Variants in GARNL3 observed in about 807,000 individuals in gnomAD.
GARNL3 encodes the protein GTPase-activating Rap/Ran-GAP domain-like protein 3.
Under a neutral mutation model 125.0 loss-of-function variants are expected in GARNL3, and 63 were observed. The observed-to-expected ratio is 0.50, with a 90% CI of 0.41 to 0.62. The LOEUF is 0.62. Ranked by LOEUF, GARNL3 falls within the 20% of genes least tolerant of loss-of-function variation. GARNL3 has a pLI of 0.00. For synonymous variants in GARNL3, 439 were observed against 457.5 expected (o/e 0.96, Z 0.52); for missense variants, 994 against 1,244.0 (o/e 0.80, Z 3.02).
chr9:127,376,179 C>T (rs1033130332), intron 22 of GARNL3, among the ~76,000 whole-genome samples: 10 of 152,130 alleles, frequency 6.6e-5, no homozygotes, highest in South Asian at 2.1e-4. Context: ...AGGCTGGTCT[C>T]GAACTCCTGA....
At chr9:127,229,061 T>A (rs2062959730) in intron 1 of GARNL3, among the ~76,000 whole-genome samples, 2 of 152,228 alleles carry the variant, frequency 1.3e-5, no homozygotes, top group African/African-American at 4.8e-5. Flanking sequence ...TGACCTCAAG[T>A]GATCCACCCG....
At chr9:127,326,011 A>G (rs771569284) in intron 7 of GARNL3, among the ~76,000 whole-genome samples, 13 of 151,974 alleles carry the variant, frequency 8.6e-5, no homozygotes, top group African/African-American at 1.5e-4. Context: ...TACCTCTCCA[A>G]TCGTCAGCTC....
chr9:127,374,909 C>CAAAAAAAAAAAAA (rs772141471), intron 22 of GARNL3, among the ~76,000 whole-genome samples: 1 of 63,232 alleles, frequency 1.6e-5, no homozygotes. Context: ...TCCATCTCTA[C>CAAAAAAAAAAAAA]AAAAAAAAAA....
chr9:127,358,940 C>T (rs982548463), intron 21 of GARNL3, among the ~76,000 whole-genome samples: 2 of 151,316 alleles, frequency 1.3e-5, no homozygotes, highest in African/African-American at 4.8e-5. Context: ...TGTCTGACCC[C>T]AGGCCAAGCC....
chr9:127,274,531 C>T (rs1453795954), intron 1 of GARNL3, among the ~76,000 whole-genome samples: 1 of 152,154 alleles, frequency 6.6e-6, no homozygotes, highest in African/African-American at 2.4e-5. Flanking sequence ...CCACAGGAGT[C>T]TCCCATTCCT....
chr9:127,240,080 A>G (rs1220991281), intron 1 of GARNL3, among the ~76,000 whole-genome samples: 4 of 152,218 alleles, frequency 2.6e-5, no homozygotes, highest in African/African-American at 9.6e-5. Flanking sequence ...AAGATGTGTA[A>G]GACCTCTAGT....
upstream of GARNL3, among the ~76,000 whole-genome samples, chr9:127,261,615 G>T (rs113002849): frequency 0.017 from 2,528 of 152,036 alleles, 85 homozygotes; most frequent in African/African-American, 0.058. Flanking sequence ...GTTTCTCCAT[G>T]TTGGTCATGC....
chr9:127,382,175 C>G (rs1832299124), intron 22 of GARNL3, among the ~76,000 whole-genome samples: 1 of 152,034 alleles, frequency 6.6e-6, no homozygotes, highest in Non-Finnish European at 1.5e-5. Context: ...TGGCGGGCGT[C>G]TGTAGTCCCA....
At chr9:127,354,015 G>T (rs1233423358) in intron 18 of GARNL3, 71 bp downstream of exon 18, 2 of 1,000,104 alleles carry the variant, frequency 2.0e-6, no homozygotes, top group African/African-American at 3.2e-5. Context: ...CACACCACAG[G>T]TCGCCAGGGT....
chr9:127,347,184 T>C (rs912428070), intron 16 of GARNL3, among the ~76,000 whole-genome samples: 2 of 151,778 alleles, frequency 1.3e-5, no homozygotes, highest in African/African-American at 4.8e-5. Context: ...CTTTGGGAGG[T>C]TGAGGCCGGA....
intron 26 of GARNL3, 52 bp from the exon 27 acceptor site, chr9:127,390,589 C>G: frequency 6.3e-7 from 1 of 1,584,632 alleles, no homozygotes; most frequent in South Asian, 1.1e-5. Flanking sequence ...TCTTTTCTGT[C>G]TCCGTGGCAG....
At chr9:127,232,701 A>C (rs916945039) in intron 1 of GARNL3, among the ~76,000 whole-genome samples, 28 of 152,212 alleles carry the variant, frequency 1.8e-4, no homozygotes, top group African/African-American at 6.5e-4. Flanking sequence ...ATGACAAGCA[A>C]AGGAGAGTTA....
intron 24 of GARNL3, among the ~76,000 whole-genome samples, chr9:127,386,113 C>G (rs1391975820): frequency 6.6e-6 from 1 of 152,204 alleles, no homozygotes; most frequent in Non-Finnish European, 1.5e-5. Context: ...TTGCTGAACT[C>G]TTGTATCCAT....
chr9:127,237,430 G>T (rs1319053605), intron 1 of GARNL3, among the ~76,000 whole-genome samples: 3 of 152,174 alleles, frequency 2.0e-5, no homozygotes, highest in African/African-American at 7.2e-5. Flanking sequence ...CTGACTTGTG[G>T]AATCTAAATC....
intron 6 of GARNL3, 35 bp from the exon 7 acceptor site, chr9:127,325,034 T>A (rs546487973): frequency 6.2e-6 from 10 of 1,600,400 alleles, no homozygotes; most frequent in Non-Finnish European, 8.6e-6. Context: ...ATTACTGTTA[T>A]GCCTGGATGT....
chr9:127,256,759 C>A lies in GARNL3; in HGVS notation c.144-8193C>A, dbSNP rs561748854. Reference sequence around the variant, plus strand: ...TCATGTACCCTTTACCAGGTTTCCCCCAGGGGCAGCATCTTGTGTAACTAT... The same window carrying A: ...TCATGTACCCTTTACCAGGTTTCCCACAGGGGCAGCATCTTGTGTAACTAT... On this transcript the variant is annotated intron_variant, in intron 2 of 10. Coordinates refer to the GARNL3 transcript ENST00000439286. Among the ~76,000 whole-genome samples, 10 of 152,294 alleles carry A rather than the reference C, an allele frequency of 6.6e-5. No homozygotes were observed. In the South Asian group the frequency reaches 1.9e-3, roughly 28 times the overall value.
At chr9:127,313,012 A>G (rs897235340) in intron 3 of GARNL3, among the ~76,000 whole-genome samples, 15 of 152,176 alleles carry the variant, frequency 9.9e-5, no homozygotes, top group Non-Finnish European at 2.1e-4. Flanking sequence ...CAGTAATGTC[A>G]AGGACCCAGG....
chr9:127,311,750 G>T lies in GARNL3; in HGVS notation c.319+15G>T, dbSNP rs529225227. On this transcript the variant is annotated intron_variant, in intron 3 of 27. Coordinates refer to ENST00000373387, the MANE Select transcript of GARNL3 (RefSeq NM_032293.5). ...TTTAGGACAAGGTAATTATGCTATT[G>T]TGGTGGTAGGGAAGAAAGGGTATTC... is the stretch of plus-strand genomic sequence containing the variant. 4 of 1,520,606 alleles carry T rather than the reference G, an allele frequency of 2.6e-6. No individual in the cohort carries two copies. The South Asian group carries it at 3.4e-5, about 13-fold the overall frequency. The allele number at this position is 1,520,606 out of a possible 1,614,324, so 94.2% of individuals were successfully genotyped here.
At chr9:127,299,456 A>G (rs1317254006) in intron 2 of GARNL3, among the ~76,000 whole-genome samples, 1 of 152,212 alleles carries the variant, frequency 6.6e-6, no homozygotes, top group Non-Finnish European at 1.5e-5. Context: ...GCCTTGTGCA[A>G]TGGTGCCATC....
Sources: allele counts gnomAD v4.1 joint callset (sites outside exome capture counted in the v4.1 genomes callset), GRCh38; gene constraint gnomAD v4.1.1; transcripts MANE v1.5; gene names NCBI Gene and HGNC (gene_info 2026-07-23, HGNC 2026-07-21).